Variants in RYR3 observed in about 807,000 individuals in gnomAD.
The protein encoded by RYR3 is ryanodine receptor 3.
RYR3 carries 207 observed loss-of-function variants against 584.3 expected under a neutral mutation model. The ratio of observed to expected loss-of-function variants is 0.35; its 90% CI spans 0.32 to 0.40. RYR3 has a LOEUF of 0.40. RYR3 is among the 10% of genes least tolerant of loss of function. RYR3 has a pLI of 1.00. For missense variants in RYR3, 5,616 were observed against 6,089.2 expected, an observed-to-expected ratio of 0.92 and a Z score of 2.59; for synonymous variants, 2,416 against 2,248.5, an observed-to-expected ratio of 1.07 and a Z score of -2.11.
At chr15:33,800,949 T>A in intron 68 of RYR3, 92 bp downstream of exon 68, 2 of 927,182 alleles carry the variant, frequency 2.2e-6, no homozygotes, top group South Asian at 2.7e-5. Context: ...CAGTAAAATA[T>A]TCGAAGAAAT....
chr15:33,746,341 C>CT (rs2070714223), intron 53 of RYR3, among the ~76,000 whole-genome samples, 184 bp downstream of exon 53: 1 of 152,214 alleles, frequency 6.6e-6, no homozygotes, highest in African/African-American at 2.4e-5. Context: ...GAGAGCCCAG[C>CT]CTCACTTTCT....
chr15:33,493,196 C>A (rs1425925631), intron 2 of RYR3, among the ~76,000 whole-genome samples: 5 of 152,094 alleles, frequency 3.3e-5, no homozygotes, highest in African/African-American at 1.2e-4. Flanking sequence ...ATCTTAGCTG[C>A]ACCATCATGT....
rs571410030 is a variant in RYR3 at position 33,862,446 on chromosome 15, A to G, written c.14465+1268A>G. Reference sequence around the variant, plus strand: ...GATCTCGAACTCCTGAGCTCAAGCTATCCACCCACCTTGGCCTCCCAGAGT... The same window carrying G: ...GATCTCGAACTCCTGAGCTCAAGCTGTCCACCCACCTTGGCCTCCCAGAGT... On this transcript the variant is annotated intron_variant, in intron 102 of 103. Transcript: ENST00000634891. 2.6e-4 allele frequency among the ~76,000 whole-genome samples: 39 copies of G among 152,082 alleles called. 2 individuals are homozygous for G. In the East Asian group the frequency reaches 5.8e-3, roughly 23 times the overall value.
rs1374677399 is a variant in RYR3 at position 33,857,896 on chromosome 15, G to A, written c.14124G>A (p.Lys4708=). 10 of 1,614,194 alleles carry A rather than the reference G, an allele frequency of 6.2e-6. No homozygotes were observed. Among genetic ancestry groups the A allele is most frequent in the Non-Finnish European group, 7.6e-6 (9 of 1,180,040 alleles). The change falls in exon 99 of 104, where the codon AAG becomes AAA. Residue 4708 remains lysine (K), a synonymous_variant. Coordinates refer to ENST00000634891, the MANE Select transcript of RYR3 (RefSeq NM_001036.6). ...AAGACGATGACGAGCCCGATATGAA[G>A]TGCGACGACATGATGACGGTGAGAG... ...KSEDDDEPDM[K]CDDMMTCYLF... is the part of the protein sequence containing the mutation.
In RYR3 at chr15:33,496,480, A is replaced by C. The variant is rs1346382290; in HGVS notation, c.172-7151A>C. On this transcript the variant is annotated intron_variant, in intron 2 of 103. Coordinates refer to ENST00000634891, the MANE Select transcript of RYR3 (RefSeq NM_001036.6). ...CTTTTTCTTTCCTTTGCTCACACCCATTCCTCATTCATGACATCCTCATAT... is the reference window on the plus strand; with the variant it reads ...CTTTTTCTTTCCTTTGCTCACACCCCTTCCTCATTCATGACATCCTCATAT... Among the ~76,000 whole-genome samples, 2 of 152,152 alleles carry C rather than the reference A, an allele frequency of 1.3e-5. 1 individual carries two copies. Among genetic ancestry groups the C allele is most frequent in the Admixed American group, 1.3e-4 (2 of 15,264 alleles).
intron 78 of RYR3, among the ~76,000 whole-genome samples, 158 bp from the exon 79 acceptor site, chr15:33,821,112 G>A (rs1217974104): frequency 6.6e-6 from 1 of 151,962 alleles, no homozygotes; most frequent in African/African-American, 2.4e-5. Flanking sequence ...TAGAAAGCTG[G>A]CTAGTGTCTG....
intron 1 of RYR3, among the ~76,000 whole-genome samples, chr15:33,432,123 G>A (rs2045211670): frequency 6.6e-6 from 1 of 152,096 alleles, no homozygotes; most frequent in Non-Finnish European, 1.5e-5. Flanking sequence ...TGCAGTTTTG[G>A]ATGAAAATAA....
At chr15:33,639,977 C>T (rs2061706397) in intron 27 of RYR3, among the ~76,000 whole-genome samples, 1 of 152,150 alleles carries the variant, frequency 6.6e-6, no homozygotes, top group African/African-American at 2.4e-5. Context: ...TTCTGCTAGA[C>T]CTCAGAATGC....
intron 3 of RYR3, among the ~76,000 whole-genome samples, chr15:33,526,424 C>T (rs961366859): frequency 5.3e-5 from 8 of 152,156 alleles, no homozygotes; most frequent in African/African-American, 1.4e-4. Flanking sequence ...AGGGACAGGA[C>T]TGCCATCCTG....
At chr15:33,750,797 C>T (rs1051772044) in intron 57 of RYR3, among the ~76,000 whole-genome samples, 10 of 152,062 alleles carry the variant, frequency 6.6e-5, no homozygotes, top group African/African-American at 9.7e-5. Context: ...TAGGTATACA[C>T]GTGCCATGGT....
chr15:33,826,546 C>A (rs2152965393), intron 83 of RYR3, 126 bp from the exon 84 acceptor site: 1 of 880,928 alleles, frequency 1.1e-6, no homozygotes, highest in Non-Finnish European at 1.9e-6. Flanking sequence ...TTTCACCATT[C>A]ATCCAAAGTT....
rs114353719 is a variant in RYR3, at chr15:33,811,568, T to C, written c.10257+531T>C. Among the ~76,000 whole-genome samples the C allele has an allele frequency of 4.1e-3, 624 of 152,090 alleles. 4 individuals are homozygous for C. Among genetic ancestry groups the C allele is most frequent in the African/African-American group, 0.015 (603 of 41,498 alleles). On this transcript the variant is annotated intron_variant, in intron 72 of 103. Transcript: ENST00000634891. ...CCCTTAATGTATGTTTGTTTGTTTG[T>C]TTGTTTGTTTGTTTTTGCCCTTAAT... is the stretch of plus-strand genomic sequence containing the variant.
chr15:33,593,878 T>C (rs1179195894), intron 16 of RYR3, among the ~76,000 whole-genome samples: 1 of 152,212 alleles, frequency 6.6e-6, no homozygotes, highest in Admixed American at 6.5e-5. Context: ...TGCTTTATTA[T>C]ACTTGGCCTA....
At chr15:33,587,259 T>A (rs1056975590) in intron 16 of RYR3, among the ~76,000 whole-genome samples, 1 of 152,232 alleles carries the variant, frequency 6.6e-6, no homozygotes, top group East Asian at 1.9e-4. Context: ...CGTTCCAACA[T>A]GTTCCTTCCT....
intron 1 of RYR3, among the ~76,000 whole-genome samples, chr15:33,452,520 T>C (rs939627112): frequency 4.6e-5 from 7 of 152,202 alleles, no homozygotes; most frequent in Admixed American, 3.9e-4. Context: ...GAGTATTCGT[T>C]ATTCTTAAAG....
In RYR3 at chr15:33,662,611, A is replaced by G. The variant is rs1166078224; in HGVS notation, c.5081A>G (p.Lys1694Arg). Residue 1694 changes from lysine (K) to arginine (R), a missense_variant, in exon 35 of 104, where the codon AAG becomes AGG. Coordinates refer to ENST00000634891, the MANE Select transcript of RYR3 (RefSeq NM_001036.6). ...PEIPLESLRTKALSMLTEAVQ... is the reference protein window; with the variant it reads ...PEIPLESLRTRALSMLTEAVQ... The stretch of plus-strand genomic sequence containing the variant: ...ATTCCCTTGGAGAGTCTCAGGACGA[A>G]GGCTCTGAGTATGCTGACAGAGGCA... The G allele has an allele frequency of 6.2e-7, 1 of 1,613,986 alleles. No individual in the cohort carries two copies. Among genetic ancestry groups the G allele is most frequent in the Admixed American group, 1.7e-5 (1 of 60,016 alleles).
rs746563957 is a variant in RYR3 at position 33,748,196 on chromosome 15, A to C, written c.8072A>C (p.Glu2691Ala). Residue 2691 changes from glutamate (E) to alanine (A), a missense_variant, in exon 54 of 104, where the codon GAG becomes GCG. Physicochemically the swap from Glu to Ala is moderately radical, Grantham distance 107. Around this residue, in one of 9 missense-constraint regions of RYR3, gnomAD observed 1,280 missense variants for 1,426.2 expected, o/e 0.90. Coordinates refer to ENST00000634891, the MANE Select transcript of RYR3 (RefSeq NM_001036.6). ...GGCTGGACTGTGGAGAGGACCAAAG[A>C]GGGAGAAGCTTTGGTTCAACAGCGG... The part of the protein sequence containing the change: ...AVGWTVERTK[E>A]GEALVQQREN... 17 of 1,613,726 alleles carry C rather than the reference A, an allele frequency of 1.1e-5. No homozygotes were observed. The South Asian group carries it at 1.6e-4, about 16-fold the overall frequency.
intron 15 of RYR3, among the ~76,000 whole-genome samples, chr15:33,584,950 C>A (rs182688153): frequency 1.3e-5 from 2 of 152,198 alleles, no homozygotes; most frequent in African/African-American, 4.8e-5. Context: ...CACCCTCTCT[C>A]CCGTGACTCA....
intron 27 of RYR3, among the ~76,000 whole-genome samples, chr15:33,637,500 C>G (rs1053637041): frequency 2.0e-5 from 3 of 152,218 alleles, no homozygotes; most frequent in African/African-American, 7.2e-5. Flanking sequence ...CTGCTTCTGC[C>G]TACCCAGGAC....
Sources: gnomAD v4.1 joint callset for allele counts (sites outside exome capture counted in the v4.1 genomes callset) on GRCh38, gnomAD v4.1.1 for gene constraint, gnomAD v4.1.1 regional missense constraint, MANE v1.5 for transcripts, NCBI Gene and HGNC (gene_info 2026-07-23, HGNC 2026-07-21) for gene names.